Variants in SLC17A2 observed in about 807,000 individuals in gnomAD.
The protein encoded by SLC17A2 is solute carrier family 17 member 2.
A neutral mutation model predicts 52.1 loss-of-function variants in SLC17A2; 38 were observed. The ratio of observed to expected loss-of-function variants is 0.73; its 90% CI spans 0.56 to 0.96. The LOEUF (loss-of-function observed/expected upper bound fraction) is 0.96. SLC17A2 is among the 40% of genes least tolerant of loss of function. SLC17A2 has a pLI of 0.00. For missense variants in SLC17A2, 508 were observed against 583.9 expected (o/e 0.87, Z 1.34); for synonymous variants, 226 against 211.9 (o/e 1.07, Z -0.58).
intron 1 of SLC17A2, among the ~76,000 whole-genome samples, chr6:25,927,720 ATTG>A (rs139716399): frequency 2.0e-5 from 3 of 152,142 alleles, no homozygotes; most frequent in South Asian, 4.2e-4. Context: ...TGGAGATTTT[ATTG>A]TTGTTGTTGT....
chr6:25,922,152 T>G (rs1159007198), intron 3 of SLC17A2, among the ~76,000 whole-genome samples: 1 of 151,800 alleles, frequency 6.6e-6, no homozygotes, highest in Non-Finnish European at 1.5e-5. Context: ...ATGAAATATT[T>G]TACCCACTCA....
At position 25,925,209 on chromosome 6, in the gene SLC17A2, G is replaced by C. The variant is rs189845251; in HGVS notation, c.28+560C>G. Among the ~76,000 whole-genome samples, 56 of 152,192 alleles carry C rather than the reference G, an allele frequency of 3.7e-4. 1 individual carries two copies. The highest frequency in any genetic ancestry group is 1.9e-3 in the Admixed American group (29 of 15,292). ...TATTATAGTAGGGATTCATACATAG[G>C]TTGGTTTAAAATGACTTTCCCGGGC... On this transcript the variant is annotated intron_variant, in intron 2 of 11. Coordinates refer to ENST00000377850, the MANE Select transcript of SLC17A2 (RefSeq NM_001286123.3).
intron 5 of SLC17A2, among the ~76,000 whole-genome samples, chr6:25,920,096 A>AGTCTAGAAG (rs1766494968): frequency 6.6e-6 from 1 of 152,224 alleles, no homozygotes; most frequent in Non-Finnish European, 1.5e-5. Flanking sequence ...GAAAGAAACC[A>AGTCTAGAAG]GTCTAGAAGA....
intron 7 of SLC17A2, 32 bp downstream of exon 7, chr6:25,916,937 C>A (rs780093023): frequency 1.2e-6 from 2 of 1,603,292 alleles, no homozygotes; most frequent in Admixed American, 3.3e-5. Context: ...GAGACCTCTG[C>A]ATGGGCCACA....
At chr6:25,920,260 T>G (rs909940703) in intron 5 of SLC17A2, among the ~76,000 whole-genome samples, 2 of 152,202 alleles carry the variant, frequency 1.3e-5, no homozygotes, top group African/African-American at 4.8e-5. Context: ...ATTTTAGTTC[T>G]GCTCTTCGAG....
Position 25,915,612 on chromosome 6 carries a change from C to T in SLC17A2, c.1098G>A (p.Leu366=). 10 of 1,613,792 alleles carry T rather than the reference C, an allele frequency of 6.2e-6. No individual in the cohort carries two copies. Among genetic ancestry groups the T allele is most frequent in the Non-Finnish European group, 7.6e-6 (9 of 1,179,836 alleles). ...LLLPSICAVA[L]PFVASSYVIT... ...TCACGTAACTGGAGGCCACAAAGGGCAGGGCCACAGCACATATTGATGGAA... is the reference window on the plus strand; with the variant it reads ...TCACGTAACTGGAGGCCACAAAGGGTAGGGCCACAGCACATATTGATGGAA... The change falls in exon 10 of 12, where the codon CTG becomes CTA. Residue 366 remains leucine, a synonymous_variant. Coordinates refer to ENST00000377850, the MANE Select transcript of SLC17A2 (RefSeq NM_001286123.3).
intron 1 of SLC17A2, among the ~76,000 whole-genome samples, chr6:25,928,592 C>G (rs1766844325): frequency 6.6e-6 from 1 of 152,210 alleles, no homozygotes; most frequent in South Asian, 2.1e-4. Flanking sequence ...TCTTCGTTTC[C>G]TATTTTCCTT....
intron 2 of SLC17A2, among the ~76,000 whole-genome samples, chr6:25,925,465 A>G (rs542156637): frequency 1.3e-5 from 2 of 150,576 alleles, no homozygotes; most frequent in Non-Finnish European, 3.0e-5. Context: ...GTGAGCCGAG[A>G]TCGCACCACT....
intron 5 of SLC17A2, among the ~76,000 whole-genome samples, chr6:25,918,909 G>A (rs1470555177): frequency 6.6e-6 from 1 of 152,142 alleles, no homozygotes; most frequent in African/African-American, 2.4e-5. Flanking sequence ...GATCTAATAT[G>A]AGGCTAGGGG....
chr6:25,919,246 A>G (rs979027648), intron 5 of SLC17A2, among the ~76,000 whole-genome samples: 2 of 152,172 alleles, frequency 1.3e-5, no homozygotes, highest in Non-Finnish European at 2.9e-5. Context: ...TTTCTATTCT[A>G]TTCTATTCAT....
At chr6:25,922,206 C>A (rs1313447945) in intron 3 of SLC17A2, among the ~76,000 whole-genome samples, 1 of 151,726 alleles carries the variant, frequency 6.6e-6, no homozygotes, top group Non-Finnish European at 1.5e-5. Context: ...ATGTGAGAAT[C>A]AAGATTTGAG....
At position 25,915,491 on chromosome 6, in the gene SLC17A2, G is replaced by C. The variant is rs578094548; in HGVS notation, c.1211+8C>G. 1.9e-6 allele frequency: 3 copies of C among 1,548,112 alleles called. No individual in the cohort carries two copies. The highest frequency in any genetic ancestry group is 2.6e-6 in the Non-Finnish European group (3 of 1,146,038). ...TGGAGGAGGGGAAAAAACAGGTAGAGCTCTTACCTGGGGGCGATATCTAAG... is the reference window on the plus strand; with the variant it reads ...TGGAGGAGGGGAAAAAACAGGTAGACCTCTTACCTGGGGGCGATATCTAAG... On this transcript the variant is annotated splice_region_variant and intron_variant, in intron 10 of 11. Transcript: ENST00000377850.
At chr6:25,916,938 A>G in intron 7 of SLC17A2, 31 bp downstream of exon 7, 8 of 1,601,890 alleles carry the variant, frequency 5.0e-6, no homozygotes, top group Non-Finnish European at 6.0e-6. Flanking sequence ...AGACCTCTGC[A>G]TGGGCCACAG....
Position 25,925,764 on chromosome 6 carries a change from T to C in SLC17A2, c.28+5A>G. 3.1e-6 allele frequency: 5 copies of C among 1,613,894 alleles called. No homozygotes were observed. Among genetic ancestry groups the C allele is most frequent in the South Asian group, 1.1e-5 (1 of 91,080 alleles). ...ATAGCCTGCAAACAAGAGCAGTGGCTTTACCTTTCCTGGTGGCAGGCTTCC... is the reference window on the plus strand; with the variant it reads ...ATAGCCTGCAAACAAGAGCAGTGGCCTTACCTTTCCTGGTGGCAGGCTTCC... On this transcript the variant is annotated splice_donor_5th_base_variant and intron_variant, in intron 2 of 11. Coordinates refer to ENST00000377850, the MANE Select transcript of SLC17A2 (RefSeq NM_001286123.3).
At chr6:25,925,672 T>C (rs1200863411) in intron 2 of SLC17A2, 97 bp downstream of exon 2, 1 of 1,126,968 alleles carries the variant, frequency 8.9e-7, no homozygotes, top group Non-Finnish European at 1.4e-6. Context: ...ACTGGGAGTA[T>C]CTTTACGAAG....
rs191995058 is a variant in SLC17A2 at position 25,919,557 on chromosome 6, G to A, written c.563-984C>T. On this transcript the variant is annotated intron_variant, in intron 5 of 11. Coordinates refer to ENST00000377850, the MANE Select transcript of SLC17A2 (RefSeq NM_001286123.3). ...CTACTAAAAATACAAAAAATTAGCC[G>A]GTCATGGTGGCAGGCGCCTGTAGTC... Among the ~76,000 whole-genome samples, 16 of 151,526 alleles carry A rather than the reference G, an allele frequency of 1.1e-4. No homozygotes were observed. In the South Asian group the frequency reaches 2.3e-3, roughly 22 times the overall value.
chr6:25,913,943 T>C lies in SLC17A2; in HGVS notation c.1303-492A>G, dbSNP rs1284788446. On this transcript the variant is annotated intron_variant, in intron 11 of 11. Coordinates refer to ENST00000377850, the MANE Select transcript of SLC17A2 (RefSeq NM_001286123.3). ...GTCATTTCCAGCATTATAGTCACAG[T>C]GGATTCCTAGCAGTTTAGTCAAATA... is the stretch of plus-strand genomic sequence containing the variant. Among the ~76,000 whole-genome samples the C allele has an allele frequency of 2.6e-5, 4 of 152,316 alleles. No homozygotes were observed. The South Asian group carries it at 6.2e-4, about 24-fold the overall frequency.
At chr6:25,919,134 C>T (rs1464256101) in intron 5 of SLC17A2, among the ~76,000 whole-genome samples, 1 of 152,084 alleles carries the variant, frequency 6.6e-6, no homozygotes, top group East Asian at 1.9e-4. Flanking sequence ...ACACACACAC[C>T]AATATGCATA....
intron 6 of SLC17A2, 94 bp from the exon 7 acceptor site, chr6:25,917,181 C>A: frequency 1.2e-6 from 1 of 821,996 alleles, no homozygotes; most frequent in Non-Finnish European, 2.1e-6. Flanking sequence ...CTTCTACACA[C>A]TAATCAATTA....
Sources: gnomAD v4.1 joint callset for allele counts (sites outside exome capture counted in the v4.1 genomes callset) on GRCh38, gnomAD v4.1.1 for gene constraint, MANE v1.5 for transcripts, NCBI Gene and HGNC (gene_info 2026-07-23, HGNC 2026-07-21) for gene names.